Variants in CSMD1 observed in about 807,000 individuals in gnomAD.
CSMD1 encodes the protein CUB and Sushi multiple domains 1.
CSMD1 carries 213 observed loss-of-function variants against 417.5 expected under a neutral mutation model. The ratio of observed to expected loss-of-function variants is 0.51; its 90% CI spans 0.46 to 0.57. The LOEUF (loss-of-function observed/expected upper bound fraction) is 0.57, where lower values mean the gene tolerates loss of function less well. Ranked by LOEUF, CSMD1 falls within the 20% of genes least tolerant of loss-of-function variation. CSMD1 has a pLI of 0.00. For missense variants in CSMD1, 6,923 were observed against 4,529.7 expected (o/e 1.53, Z -15.17); for synonymous variants, 2,862 against 1,736.8 (o/e 1.65, Z -16.11).
chr8:3,698,380 C>A (rs1404532915), intron 7 of CSMD1, among the ~76,000 whole-genome samples: 1 of 152,196 alleles, frequency 6.6e-6, no homozygotes, highest in Non-Finnish European at 1.5e-5. Context: ...TATGATGGAG[C>A]AAACTAGATT....
intron 3 of CSMD1, among the ~76,000 whole-genome samples, chr8:4,203,576 C>A (rs987837400): frequency 6.6e-6 from 1 of 152,008 alleles, no homozygotes; most frequent in Admixed American, 6.6e-5. Context: ...GTCAGTGTAG[C>A]TGGGAGACTT....
chr8:3,980,533 T>G (rs1813775770), intron 5 of CSMD1, among the ~76,000 whole-genome samples: 1 of 140,804 alleles, frequency 7.1e-6, no homozygotes, highest in Non-Finnish European at 1.6e-5. Context: ...CCATTTAGAT[T>G]TGTCGTCTCT....
intron 3 of CSMD1, among the ~76,000 whole-genome samples, chr8:4,386,297 A>T (rs1210208353): frequency 6.6e-6 from 1 of 151,792 alleles, no homozygotes; most frequent in Non-Finnish European, 1.5e-5. Flanking sequence ...CCACTCAAAC[A>T]AAACACACTA....
intron 3 of CSMD1, among the ~76,000 whole-genome samples, chr8:4,076,950 A>T (rs955788998): frequency 6.6e-6 from 1 of 152,212 alleles, no homozygotes; most frequent in Non-Finnish European, 1.5e-5. Context: ...TTACACAAGG[A>T]TAACACTTTC....
chr8:3,836,747 G>C (rs564341333), intron 5 of CSMD1, among the ~76,000 whole-genome samples: 3 of 151,914 alleles, frequency 2.0e-5, no homozygotes, highest in East Asian at 1.9e-4. Context: ...ATGAAATTCA[G>C]GGCAAAAAAA....
intron 3 of CSMD1, among the ~76,000 whole-genome samples, chr8:4,315,355 G>T (rs1042080769): frequency 3.9e-5 from 6 of 152,252 alleles, no homozygotes; most frequent in African/African-American, 9.6e-5. Context: ...TGAGCCCCAG[G>T]TGGCAGGTAC....
intron 5 of CSMD1, among the ~76,000 whole-genome samples, chr8:3,980,957 G>C (rs893330410): frequency 2.0e-5 from 3 of 152,152 alleles, no homozygotes; most frequent in Admixed American, 2.0e-4. Context: ...CCCATAAAGA[G>C]TAGGGGCCCT....
intron 1 of CSMD1, among the ~76,000 whole-genome samples, chr8:4,941,099 T>C (rs1190447176): frequency 6.6e-6 from 1 of 152,226 alleles, no homozygotes; most frequent in African/African-American, 2.4e-5. Context: ...ATATTGAATT[T>C]TGGAGTTTGT....
At chr8:3,105,064 C>T (rs188049984) in intron 46 of CSMD1, among the ~76,000 whole-genome samples, 12 of 152,268 alleles carry the variant, frequency 7.9e-5, no homozygotes, top group East Asian at 5.8e-4. Context: ...AAAACCACTG[C>T]GAAGTCGATA....
chr8:4,448,272 ATATAGT>A (rs1253662155), intron 2 of CSMD1, among the ~76,000 whole-genome samples: 4 of 152,200 alleles, frequency 2.6e-5, no homozygotes, highest in African/African-American at 7.2e-5. Flanking sequence ...GCATTTCCAA[ATATAGT>A]TATAACACAA....
intron 15 of CSMD1, among the ~76,000 whole-genome samples, chr8:3,402,450 C>G (rs1161540): frequency 0.32 from 48,638 of 151,976 alleles, 8,307 homozygotes; most frequent in East Asian, 0.63. Flanking sequence ...CATGATGCCA[C>G]TGAGCTGCAT....
intron 30 of CSMD1, among the ~76,000 whole-genome samples, chr8:3,212,287 A>G (rs940310559): frequency 2.0e-5 from 3 of 152,228 alleles, no homozygotes; most frequent in African/African-American, 7.2e-5. Context: ...ACACTATCAG[A>G]ATTTTTAATT....
At chr8:4,353,241 C>G (rs151095473) in intron 3 of CSMD1, among the ~76,000 whole-genome samples, 1 of 152,068 alleles carries the variant, frequency 6.6e-6, no homozygotes, top group African/African-American at 2.4e-5. Flanking sequence ...TTCCCCCAGA[C>G]TGTTCTTCTG....
intron 2 of CSMD1, among the ~76,000 whole-genome samples, chr8:4,607,952 T>C (rs1382251): frequency 0.5 from 75,547 of 151,974 alleles, 20,049 homozygotes; most frequent in African/African-American, 0.7. Flanking sequence ...ATCTGGCGAC[T>C]TTCCCCAGCC....
chr8:3,445,834 C>T (rs559276853), intron 12 of CSMD1, among the ~76,000 whole-genome samples: 1 of 152,126 alleles, frequency 6.6e-6, no homozygotes, highest in African/African-American at 2.4e-5. Flanking sequence ...GGGATTATAT[C>T]CTTGAAAGAA....
At chr8:4,485,535 T>C (rs775914918) in intron 2 of CSMD1, among the ~76,000 whole-genome samples, 2 of 152,176 alleles carry the variant, frequency 1.3e-5, no homozygotes, top group African/African-American at 2.4e-5. Flanking sequence ...CTTAATGGAA[T>C]GGCAATATTC....
At chr8:4,763,877 A>G (rs921728371) in intron 1 of CSMD1, among the ~76,000 whole-genome samples, 1 of 152,232 alleles carries the variant, frequency 6.6e-6, no homozygotes, top group Non-Finnish European at 1.5e-5. Context: ...ACTAAAATAC[A>G]TGATTAAGCC....
At chr8:3,921,374 T>A (rs2975326) in intron 5 of CSMD1, among the ~76,000 whole-genome samples, 66,044 of 151,864 alleles carry the variant, frequency 0.43, 14,787 homozygotes, top group East Asian at 0.73. Context: ...TTCTTTAAAT[T>A]GTCTTTCTAG....
At chr8:4,068,422 C>T (rs1052335742) in intron 3 of CSMD1, among the ~76,000 whole-genome samples, 3 of 152,224 alleles carry the variant, frequency 2.0e-5, no homozygotes, top group African/African-American at 4.8e-5. Flanking sequence ...ATGAAAAGCA[C>T]GGTTACAGAA....
Sources: gnomAD v4.1 joint callset for allele counts (sites outside exome capture counted in the v4.1 genomes callset) on GRCh38, gnomAD v4.1.1 for gene constraint, MANE v1.5 for transcripts, NCBI Gene and HGNC (gene_info 2026-07-23, HGNC 2026-07-21) for gene names.